Variants in CRYBG3 observed in about 807,000 individuals in gnomAD.
CRYBG3 encodes very large A-kinase anchor protein.
A neutral mutation model predicts 244.2 loss-of-function variants in CRYBG3; 127 were observed. That is an observed-to-expected ratio of 0.52 (90% CI 0.45 to 0.60). The LOEUF (loss-of-function observed/expected upper bound fraction) is 0.60. CRYBG3 is among the 20% of genes least tolerant of loss of function. The pLI is 0.00. For missense variants in CRYBG3, 3,325 were observed against 3,442.5 expected, an observed-to-expected ratio of 0.97 and a Z score of 0.85; for synonymous variants, 1,132 against 1,195.8, an observed-to-expected ratio of 0.95 and a Z score of 1.10.
chr3:97,904,685 T>A (rs530194231), intron 15 of CRYBG3, among the ~76,000 whole-genome samples: 1 of 150,276 alleles, frequency 6.7e-6, no homozygotes, highest in African/African-American at 2.4e-5. Context: ...TTTTATTTTT[T>A]ATTTTTTTAT....
Position 97,874,565 on chromosome 3 carries a change from C to T in CRYBG3, c.3371C>T (p.Pro1124Leu), listed in dbSNP as rs561244728. 3.3e-6 allele frequency: 5 copies of T among 1,535,696 alleles called. No homozygotes were observed. The highest frequency in any genetic ancestry group is 2.6e-6 in the Non-Finnish European group (3 of 1,146,644). Residue 1124 changes from proline (P) to leucine (L), a missense_variant, in exon 4 of 22, where the codon CCA becomes CTA. By Grantham distance (98) the Pro-to-Leu change is moderately conservative (BLOSUM62 -3). This residue lies in a region of CRYBG3 where 1,526 missense variants were observed against 1,443.2 expected (regional missense o/e 1.06). Coordinates refer to ENST00000389622, the MANE Select transcript of CRYBG3 (RefSeq NM_153605.4). Reference protein sequence around the residue: ...TSVSIGTEVTPFQEHFGIYTG... With the variant: ...TSVSIGTEVTLFQEHFGIYTG... Reference sequence around the variant, plus strand: ...GTCTCAATTGGGACAGAAGTAACCCCATTTCAGGAACATTTTGGGATTTAT... The same window carrying T: ...GTCTCAATTGGGACAGAAGTAACCCTATTTCAGGAACATTTTGGGATTTAT...
At chr3:97,829,288 T>G (rs555347148) in intron 1 of CRYBG3, among the ~76,000 whole-genome samples, 2 of 152,350 alleles carry the variant, frequency 1.3e-5, no homozygotes, top group East Asian at 1.9e-4. Context: ...TTTGACACTT[T>G]GTACAAGTAG....
Position 97,887,507 on chromosome 3 carries a change from T to C in CRYBG3, c.7289+740T>C, listed in dbSNP as rs535365537. 6.2e-4 allele frequency among the ~76,000 whole-genome samples: 94 copies of C among 152,288 alleles called. No homozygotes were observed. In the South Asian group the frequency reaches 0.018, roughly 30 times the overall value. On this transcript the variant is annotated intron_variant, in intron 8 of 21. Transcript: ENST00000389622. The stretch of plus-strand genomic sequence containing the variant: ...TGGCTCACGCCTGTAATCCCAACAC[T>C]TTGGGAGGCCAAGGTGGGTGGATCA...
intron 7 of CRYBG3, among the ~76,000 whole-genome samples, chr3:97,884,134 C>CT: frequency 6.6e-6 from 1 of 152,170 alleles, no homozygotes; most frequent in Middle Eastern, 3.4e-3. Flanking sequence ...TACTAGAACT[C>CT]TATTATTAAT....
intron 1 of CRYBG3, among the ~76,000 whole-genome samples, chr3:97,829,893 T>C (rs2038631860): frequency 6.6e-6 from 1 of 152,186 alleles, no homozygotes; most frequent in African/African-American, 2.4e-5. Flanking sequence ...TGTGAGCCCA[T>C]TTTTGAGGCT....
chr3:97,905,162 G>A (rs533860673), intron 15 of CRYBG3, among the ~76,000 whole-genome samples: 207 of 152,142 alleles, frequency 1.4e-3, no homozygotes, highest in Non-Finnish European at 2.7e-3. Flanking sequence ...ATTTGGGTTG[G>A]TTCCAAGTCT....
In CRYBG3 at chr3:97,822,064, G is replaced by C. The variant is rs1430637558; in HGVS notation, c.-143G>C. The C allele has an allele frequency of 4.8e-6, 3 of 619,320 alleles. No homozygotes were observed. The South Asian group carries it at 1.4e-4, about 29-fold the overall frequency. 38.4% of individuals were successfully genotyped at this position (619,320 alleles called of 1,614,324 possible). On this transcript the variant is annotated 5_prime_UTR_variant, in exon 1 of 22. Transcript: ENST00000389622. ...CGTCGCGTCCGCACTTCTCCTGCCC[G>C]AGAGAGACTGAGCCGCGCTGGCAGC...
intron 17 of CRYBG3, among the ~76,000 whole-genome samples, chr3:97,931,180 C>A (rs1245697684): frequency 6.6e-6 from 1 of 152,094 alleles, no homozygotes; most frequent in African/African-American, 2.4e-5. Flanking sequence ...TCAGCCCTTA[C>A]AACCTAGATT....
chr3:97,872,789 A>C lies in CRYBG3; in HGVS notation c.1595A>C (p.Glu532Ala). 1.3e-6 allele frequency: 2 copies of C among 1,535,976 alleles called. No individual in the cohort carries two copies. Among genetic ancestry groups the C allele is most frequent in the Non-Finnish European group, 1.7e-6 (2 of 1,146,778 alleles). The change falls in exon 4 of 22, where the codon GAA (glutamate) becomes GCA (alanine). Residue 532 changes from glutamate (E) to alanine (A), a missense_variant. Transcript: ENST00000389622. The part of the protein sequence containing the change: ...VAVREIRRET[E>A]SASAGESIAS... ...GTTAGAGAAATCAGGCGAGAAACAGAAAGTGCCTCAGCTGGTGAATCCATA... is the reference window on the plus strand; with the variant it reads ...GTTAGAGAAATCAGGCGAGAAACAGCAAGTGCCTCAGCTGGTGAATCCATA...
At chr3:97,849,269 A>T (rs935837094) in intron 2 of CRYBG3, among the ~76,000 whole-genome samples, 2 of 152,210 alleles carry the variant, frequency 1.3e-5, no homozygotes, top group Non-Finnish European at 2.9e-5. Context: ...ACTTAGAAAT[A>T]CTGTGAATCT....
chr3:97,923,549 T>A (rs897940663), intron 17 of CRYBG3, among the ~76,000 whole-genome samples: 1 of 151,864 alleles, frequency 6.6e-6, no homozygotes, highest in Admixed American at 6.6e-5. Flanking sequence ...CCACTACTAT[T>A]CGGTATTCTG....
chr3:97,894,790 A>C (rs1460539064), intron 11 of CRYBG3, among the ~76,000 whole-genome samples: 1 of 152,122 alleles, frequency 6.6e-6, no homozygotes. Context: ...GTTTTGTGAA[A>C]TTTATTTTCA....
intron 2 of CRYBG3, among the ~76,000 whole-genome samples, chr3:97,853,294 A>G (rs565990330): frequency 6.6e-6 from 1 of 152,188 alleles, no homozygotes; most frequent in East Asian, 1.9e-4. Context: ...TTCTCTTAGA[A>G]TAATGGTCTC....
At chr3:97,902,482 C>A (rs1334907211) in intron 15 of CRYBG3, among the ~76,000 whole-genome samples, 2 of 143,822 alleles carry the variant, frequency 1.4e-5, no homozygotes, top group Middle Eastern at 3.7e-3. Context: ...AATTTTTTGT[C>A]TTTATTTCTT....
Position 97,898,774 on chromosome 3 carries a change from G to A in CRYBG3, c.7702-109G>A. 4 of 679,952 alleles carry A rather than the reference G, an allele frequency of 5.9e-6. No individual in the cohort carries two copies. In the Middle Eastern group the frequency reaches 1.3e-3, roughly 217 times the overall value. The allele number at this position is 679,952 out of a possible 1,614,324, so 42.1% of individuals were successfully genotyped here. On this transcript the variant is annotated intron_variant, in intron 12 of 21. Coordinates refer to ENST00000389622, the MANE Select transcript of CRYBG3 (RefSeq NM_153605.4). ...AGGGCCATCTAAAATTCTTCCTGGA[G>A]TTATTTGTGTAAAAATTACCCCATC... is the stretch of plus-strand genomic sequence containing the variant.
intron 3 of CRYBG3, among the ~76,000 whole-genome samples, chr3:97,866,836 T>G (rs2039238975): frequency 6.6e-6 from 1 of 152,164 alleles, no homozygotes; most frequent in East Asian, 1.9e-4. Context: ...AAGGCAATTC[T>G]CCAAAGTCTC....
Position 97,875,759 on chromosome 3 carries a change from T to C in CRYBG3, c.4565T>C (p.Val1522Ala). The stretch of plus-strand genomic sequence containing the variant: ...AACACACCTCTTGCAATGTCAGATG[T>C]AGGGAAAGTACACAAGAAGGATAAT... ...SKNTPLAMSDVGKVHKKDNEI... is the reference protein window; with the variant it reads ...SKNTPLAMSDAGKVHKKDNEI... Residue 1522 changes from valine to alanine, a missense_variant, in exon 4 of 22, where the codon GTA becomes GCA. By Grantham distance (64) the Val-to-Ala change is moderately conservative (BLOSUM62 0). Transcript: ENST00000389622. 8.1e-7 allele frequency: 1 copy of C among 1,231,956 alleles called. No individual in the cohort carries two copies. The highest frequency in any genetic ancestry group is 1.0e-6 in the Non-Finnish European group (1 of 987,878). 76.3% of individuals were successfully genotyped at this position (1,231,956 alleles called of 1,614,324 possible).
At chr3:97,838,798 C>T (rs1409050654) in intron 1 of CRYBG3, among the ~76,000 whole-genome samples, 1 of 152,016 alleles carries the variant, frequency 6.6e-6, no homozygotes, top group East Asian at 1.9e-4. Flanking sequence ...TAGGAGCTCT[C>T]CTTTATGTAA....
chr3:97,932,961 C>T (rs2040115058), intron 17 of CRYBG3: 1 of 303,198 alleles, frequency 3.3e-6, no homozygotes, highest in African/African-American at 2.3e-5. Context: ...GACTCTGACA[C>T]AGCATATCTT....
Sources: allele counts gnomAD v4.1 joint callset (sites outside exome capture counted in the v4.1 genomes callset), GRCh38; gene constraint gnomAD v4.1.1; regional missense constraint gnomAD v4.1.1; transcripts MANE v1.5; gene names NCBI Gene and HGNC (gene_info 2026-07-23, HGNC 2026-07-21).